Variants in AGAP1 observed in about 807,000 individuals in gnomAD.
AGAP1 encodes the protein ArfGAP with GTPase domain, ankyrin repeat and PH domain 1, also known as arf-GAP with GTPase, ANK repeat and PH domain-containing protein 1.
In AGAP1, 29 loss-of-function variants were observed where a neutral mutation model predicts 105.3. That is an observed-to-expected ratio of 0.28 (90% CI 0.21 to 0.38). AGAP1 has a LOEUF of 0.38. AGAP1 is among the 10% of genes least tolerant of loss of function. AGAP1 has a pLI of 1.00. For synonymous variants in AGAP1, 509 were observed against 485.9 expected, an observed-to-expected ratio of 1.05 and a Z score of -0.63; for missense variants, 998 against 1,165.1, an observed-to-expected ratio of 0.86 and a Z score of 2.09.
rs187078457 is a variant in AGAP1, at chr2:235,664,012, C to T, written c.164-45167C>T. Among the ~76,000 whole-genome samples, 5 of 152,212 alleles carry T rather than the reference C, an allele frequency of 3.3e-5. 1 individual carries two copies. The highest frequency in any genetic ancestry group is 7.2e-5 in the African/African-American group (3 of 41,540). ...TGCAGTGTTGTGTGTTACCCTTGAC[C>T]GCATCCCTCCTGTCCCTGAGCTCGA... On this transcript the variant is annotated intron_variant, in intron 1 of 17. Transcript: ENST00000304032. The surrounding 1 kb of genome is among the most constrained non-coding windows in gnomAD (Gnocchi z 5.7).
intron 6 of AGAP1, among the ~76,000 whole-genome samples, chr2:235,755,497 G>T (rs1202787982): frequency 6.6e-6 from 1 of 152,184 alleles, no homozygotes; most frequent in African/African-American, 2.4e-5. Context: ...TTGGAGTGCA[G>T]TGGCACGATC....
intron 11 of AGAP1, among the ~76,000 whole-genome samples, chr2:235,928,863 C>A (rs930166995): frequency 6.6e-6 from 1 of 152,184 alleles, no homozygotes; most frequent in South Asian, 2.1e-4. Context: ...CTGGGCTGCT[C>A]CTCCACGTCT....
At chr2:235,707,044 C>T (rs981518608) in intron 1 of AGAP1, among the ~76,000 whole-genome samples, 1 of 152,246 alleles carries the variant, frequency 6.6e-6, no homozygotes, top group African/African-American at 2.4e-5. Flanking sequence ...TAATGTTTGT[C>T]TGCAGCATGT....
At chr2:235,779,831 C>G (rs755086660) in intron 6 of AGAP1, among the ~76,000 whole-genome samples, 2 of 152,300 alleles carry the variant, frequency 1.3e-5, no homozygotes, top group East Asian at 3.9e-4. Flanking sequence ...AAGCCTGGAC[C>G]GCTGTCAGAA....
At chr2:235,686,560 C>T (rs1241496200) in intron 1 of AGAP1, among the ~76,000 whole-genome samples, 137 of 87,432 alleles carry the variant, frequency 1.6e-3, no homozygotes, top group East Asian at 6.6e-3. Context: ...TATATATACA[C>T]ACACACACAC....
chr2:236,048,922 G>A (rs915004242), intron 15 of AGAP1, 137 bp from the exon 16 acceptor site: 2 of 768,800 alleles, frequency 2.6e-6, no homozygotes, highest in Non-Finnish European at 4.2e-6. Flanking sequence ...GCACTGGCTA[G>A]GGAGCATTTT....
intron 16 of AGAP1, among the ~76,000 whole-genome samples, chr2:236,054,053 A>G (rs1411684681): frequency 6.6e-6 from 1 of 152,162 alleles, no homozygotes; most frequent in Non-Finnish European, 1.5e-5. Context: ...TCCACGTGGG[A>G]GAGACTGGCC....
intron 1 of AGAP1, among the ~76,000 whole-genome samples, chr2:235,543,863 C>T (rs1279351607): frequency 6.6e-6 from 1 of 152,132 alleles, no homozygotes; most frequent in African/African-American, 2.4e-5. Flanking sequence ...GCAACACGTG[C>T]CCTCTAAAAG....
intron 13 of AGAP1, among the ~76,000 whole-genome samples, chr2:235,990,153 T>C (rs2055499666): frequency 2.0e-5 from 3 of 152,190 alleles, no homozygotes; most frequent in African/African-American, 7.2e-5. Context: ...GTCTTATTGG[T>C]TTAAATCAAA....
At chr2:235,672,303 T>C (rs1298727514) in intron 1 of AGAP1, among the ~76,000 whole-genome samples, 1 of 152,214 alleles carries the variant, frequency 6.6e-6, no homozygotes, top group Non-Finnish European at 1.5e-5. Flanking sequence ...AAAATGGTCA[T>C]GTTCTAATAT....
In AGAP1 at chr2:235,660,355, A is replaced by G. The variant is rs557735739; in HGVS notation, c.164-48824A>G. Among the ~76,000 whole-genome samples, 1 of 152,334 alleles carries G rather than the reference A, an allele frequency of 6.6e-6. No homozygotes were observed. Among genetic ancestry groups the G allele is most frequent in the South Asian group, 2.1e-4 (1 of 4,820 alleles). ...CAAGTTGACCAACCTTCTTGTTGGT[A>G]ACATGACTGAGGCATTACCTGCACT... On this transcript the variant is annotated intron_variant, in intron 1 of 17. Coordinates refer to ENST00000304032, the MANE Select transcript of AGAP1 (RefSeq NM_001037131.3). The surrounding 1 kb of genome is among the most constrained non-coding windows in gnomAD (Gnocchi z 5.3).
chr2:235,599,351 A>T lies in AGAP1; in HGVS notation c.163+104502A>T, dbSNP rs1945651256. Among the ~76,000 whole-genome samples the T allele has an allele frequency of 6.6e-6, 1 of 151,942 alleles. No homozygotes were observed. Among genetic ancestry groups the T allele is most frequent in the South Asian group, 2.1e-4 (1 of 4,808 alleles). Reference sequence around the variant, plus strand: ...AATTTTGCCCAGGAGGAGTCTGGTGATGGAGAAGGTGTGGCGGGCAGCAAG... The same window carrying T: ...AATTTTGCCCAGGAGGAGTCTGGTGTTGGAGAAGGTGTGGCGGGCAGCAAG... On this transcript the variant is annotated intron_variant, in intron 1 of 17. Coordinates refer to ENST00000304032, the MANE Select transcript of AGAP1 (RefSeq NM_001037131.3). This position sits in a 1 kb window ranked among gnomAD's most constrained non-coding sequence, Gnocchi z 5.3.
In AGAP1 at chr2:235,930,659, T is replaced by G. The variant is rs1575809259; in HGVS notation, c.1325-106T>G. On this transcript the variant is annotated intron_variant, in intron 11 of 17. Coordinates refer to ENST00000304032, the MANE Select transcript of AGAP1 (RefSeq NM_001037131.3). This position sits in a 1 kb window ranked among gnomAD's most constrained non-coding sequence, Gnocchi z 7.9. ...CAGGCAGGACAGGGGCTGCTCTCGG[T>G]GGTAAGGTGCACTATGTGCCAGCGT... 8.5e-7 allele frequency: 1 copy of G among 1,171,054 alleles called. No individual in the cohort carries two copies. The highest frequency in any genetic ancestry group is 1.2e-6 in the Non-Finnish European group (1 of 837,990). 72.5% of individuals were successfully genotyped at this position (1,171,054 alleles called of 1,614,324 possible).
rs1947984598 is a variant in AGAP1 at position 235,662,316 on chromosome 2, G to A, written c.164-46863G>A. Among the ~76,000 whole-genome samples, 1 of 151,192 alleles carries A rather than the reference G, an allele frequency of 6.6e-6. No homozygotes were observed. Among genetic ancestry groups the A allele is most frequent in the South Asian group, 2.1e-4 (1 of 4,834 alleles). ...TGTGCAGGCTGCCTCTGATCCCTCA[G>A]TCAGTGTGCAGAGCTGAGCTGATGA... On this transcript the variant is annotated intron_variant, in intron 1 of 17. Coordinates refer to ENST00000304032, the MANE Select transcript of AGAP1 (RefSeq NM_001037131.3). The surrounding 1 kb of genome is among the most constrained non-coding windows in gnomAD (Gnocchi z 4.2).
intron 9 of AGAP1, among the ~76,000 whole-genome samples, chr2:235,859,433 A>G (rs1276709721): frequency 1.6e-5 from 2 of 125,270 alleles, no homozygotes; most frequent in African/African-American, 5.9e-5. Flanking sequence ...CCCTTTCAAA[A>G]TGGGAGCATA....
rs531409528 is a variant in AGAP1, at chr2:235,838,951, G to A, written c.1050+31620G>A. Among the ~76,000 whole-genome samples, 9 of 152,256 alleles carry A rather than the reference G, an allele frequency of 5.9e-5. No individual in the cohort carries two copies. In the South Asian group the frequency reaches 1.2e-3, roughly 21 times the overall value. Reference sequence around the variant, plus strand: ...ACTTTCTGGTGAAATGTTGCCGCTCGGGAATTTCAGTTGGAAACATAAAGC... The same window carrying A: ...ACTTTCTGGTGAAATGTTGCCGCTCAGGAATTTCAGTTGGAAACATAAAGC... On this transcript the variant is annotated intron_variant, in intron 9 of 17. Coordinates refer to ENST00000304032, the MANE Select transcript of AGAP1 (RefSeq NM_001037131.3).
intron 12 of AGAP1, among the ~76,000 whole-genome samples, chr2:235,941,951 G>T (rs946285864): frequency 3.3e-5 from 5 of 152,098 alleles, no homozygotes; most frequent in Admixed American, 2.6e-4. Flanking sequence ...AAAAAGGTTT[G>T]CCCGTGATCC....
chr2:235,932,962 ATAT>A (rs1415348214), intron 12 of AGAP1, among the ~76,000 whole-genome samples: 1 of 152,174 alleles, frequency 6.6e-6, no homozygotes, highest in Non-Finnish European at 1.5e-5. Context: ...AATTTCTATA[ATAT>A]TAACACACGT....
intron 1 of AGAP1, among the ~76,000 whole-genome samples, chr2:235,647,435 C>G (rs893948309): frequency 6.6e-6 from 1 of 152,048 alleles, no homozygotes; most frequent in Non-Finnish European, 1.5e-5. Flanking sequence ...TCACCCGGGC[C>G]GGAGTGCAGT....
Sources: gnomAD v4.1 joint callset for allele counts (sites outside exome capture counted in the v4.1 genomes callset) on GRCh38, gnomAD v4.1.1 for gene constraint, Gnocchi (gnomAD v3.1) non-coding constraint, MANE v1.5 for transcripts, NCBI Gene and HGNC (gene_info 2026-07-23, HGNC 2026-07-21) for gene names.